Variants in GRIK4 observed in about 807,000 individuals in gnomAD.
The protein encoded by GRIK4 is glutamate ionotropic receptor kainate type subunit 4.
GRIK4 carries 40 observed loss-of-function variants against 104.9 expected under a neutral mutation model. The ratio of observed to expected loss-of-function variants is 0.38; its 90% CI spans 0.30 to 0.50. The LOEUF (loss-of-function observed/expected upper bound fraction) is 0.50. GRIK4 is among the 20% of genes least tolerant of loss of function. The probability of loss-of-function intolerance (pLI) is 0.93; values close to 1 mark genes in which losing one functional copy is unlikely to be tolerated. For missense variants in GRIK4, 1,047 were observed against 1,308.1 expected (o/e 0.80, Z 3.08); for synonymous variants, 485 against 524.9 (o/e 0.92, Z 1.04).
intron 2 of GRIK4, among the ~76,000 whole-genome samples, 186 bp from the exon 3 acceptor site, chr11:120,660,083 C>A (rs1441965541): frequency 6.6e-6 from 1 of 152,212 alleles, no homozygotes; most frequent in African/African-American, 2.4e-5. Context: ...ATCATCCAAC[C>A]ACAGTTACAG....
intron 1 of GRIK4, among the ~76,000 whole-genome samples, chr11:120,521,851 C>T (rs753289752): frequency 2.7e-4 from 41 of 152,314 alleles, no homozygotes; most frequent in Non-Finnish European, 4.7e-4. Flanking sequence ...TTATCTCCCG[C>T]GGGTGGTTAT....
intron 3 of GRIK4, among the ~76,000 whole-genome samples, chr11:120,753,050 G>T (rs1951585033): frequency 6.6e-6 from 1 of 152,214 alleles, no homozygotes; most frequent in South Asian, 2.1e-4. Flanking sequence ...GCTGGATGGG[G>T]ACTCCCGAAT....
intron 3 of GRIK4, among the ~76,000 whole-genome samples, chr11:120,743,835 A>C (rs879606600): frequency 1.3e-5 from 2 of 152,248 alleles, no homozygotes; most frequent in Admixed American, 1.3e-4. Context: ...TTATTTATAA[A>C]ATGGGAGCAA....
chr11:120,531,743 T>G (rs571457696), intron 1 of GRIK4, among the ~76,000 whole-genome samples: 2 of 152,120 alleles, frequency 1.3e-5, no homozygotes, highest in Non-Finnish European at 2.9e-5. Context: ...GCCCAGCTAA[T>G]TTTTGTATTT....
At chr11:120,840,685 A>G (rs1408048537) in intron 8 of GRIK4, among the ~76,000 whole-genome samples, 2 of 152,222 alleles carry the variant, frequency 1.3e-5, no homozygotes, top group African/African-American at 4.8e-5. Flanking sequence ...AAATAAAATT[A>G]CTGTGCAGAG....
intron 13 of GRIK4, among the ~76,000 whole-genome samples, chr11:120,923,759 G>A (rs1189250695): frequency 6.6e-6 from 1 of 152,110 alleles, no homozygotes. Flanking sequence ...AGCGGAAACT[G>A]GTACCATTCA....
At chr11:120,750,389 TAG>T (rs1428167585) in intron 3 of GRIK4, among the ~76,000 whole-genome samples, 1 of 132,630 alleles carries the variant, frequency 7.5e-6, no homozygotes, top group Non-Finnish European at 1.5e-5. Context: ...GCTGGGGATG[TAG>T]AGTCTCGCTC....
At chr11:120,708,733 G>C (rs548545864) in intron 3 of GRIK4, among the ~76,000 whole-genome samples, 1 of 152,310 alleles carries the variant, frequency 6.6e-6, no homozygotes, top group South Asian at 2.1e-4. Context: ...GAGACCTGCT[G>C]TCTTCCTGAT....
intron 8 of GRIK4, among the ~76,000 whole-genome samples, chr11:120,837,324 A>C (rs1223474017): frequency 6.6e-6 from 1 of 152,192 alleles, no homozygotes; most frequent in African/African-American, 2.4e-5. Flanking sequence ...AGCATCTGAC[A>C]GGCCTTTGTT....
intron 3 of GRIK4, among the ~76,000 whole-genome samples, chr11:120,722,612 C>CAA (rs35167995): frequency 9.1e-5 from 13 of 142,170 alleles, no homozygotes; most frequent in Admixed American, 2.1e-4. Context: ...GAGACTCCAT[C>CAA]AAAAAAAAAA....
At chr11:120,904,083 G>C (rs912451404) in intron 12 of GRIK4, among the ~76,000 whole-genome samples, 3 of 152,056 alleles carry the variant, frequency 2.0e-5, no homozygotes, top group East Asian at 3.9e-4. Flanking sequence ...TCTCCCCAGG[G>C]CCTCTTCTTC....
intron 9 of GRIK4, 58 bp from the exon 10 acceptor site, chr11:120,874,006 TCC>T: frequency 7.0e-7 from 1 of 1,438,660 alleles, no homozygotes. Flanking sequence ...CTCCCTCCCC[TCC>T]CTTTCTTCCT....
intron 1 of GRIK4, among the ~76,000 whole-genome samples, chr11:120,519,196 C>T (rs1057491303): frequency 2.6e-4 from 40 of 152,116 alleles, no homozygotes; most frequent in Admixed American, 9.2e-4. Context: ...GTATTCAATG[C>T]TTATTATGTG....
chr11:120,719,262 C>T (rs1228047662), intron 3 of GRIK4, among the ~76,000 whole-genome samples: 1 of 152,160 alleles, frequency 6.6e-6, no homozygotes, highest in Non-Finnish European at 1.5e-5. Context: ...TAGGCTGTAG[C>T]AACTTCTACA....
chr11:120,548,132 C>A (rs1948104632), intron 1 of GRIK4, among the ~76,000 whole-genome samples: 1 of 152,148 alleles, frequency 6.6e-6, no homozygotes, highest in East Asian at 1.9e-4. Flanking sequence ...CAATTGCAGG[C>A]CTGCTGGACT....
In GRIK4 at chr11:120,793,722, G is replaced by T. The variant is rs186511259; in HGVS notation, c.83-8971G>T. ...AGGCAGTGGTTACAGGTGAAGGGTG[G>T]TGTTAGGGGCTGAGAGCAGGTAGAT... is the stretch of plus-strand genomic sequence containing the variant. On this transcript the variant is annotated intron_variant, in intron 3 of 20. Coordinates refer to ENST00000527524, the MANE Select transcript of GRIK4 (RefSeq NM_014619.5). 1.2e-4 allele frequency among the ~76,000 whole-genome samples: 18 copies of T among 152,098 alleles called. No homozygotes were observed. The East Asian group carries it at 3.3e-3, about 28-fold the overall frequency.
chr11:120,750,661 C>A (rs879499405), intron 3 of GRIK4, among the ~76,000 whole-genome samples: 1 of 152,100 alleles, frequency 6.6e-6, no homozygotes, highest in Non-Finnish European at 1.5e-5. Flanking sequence ...GAGCTGCCAC[C>A]CCCGGCCTGG....
chr11:120,874,105 G>T lies in GRIK4; in HGVS notation c.946G>T (p.Val316Leu), dbSNP rs906639969. Residue 316 changes from valine (V) to leucine (L), a missense_variant, in exon 10 of 21, where the codon GTG becomes TTG. Physicochemically the swap from Val to Leu is conservative, Grantham distance 32. Around this residue, in one of 3 missense-constraint regions of GRIK4, gnomAD observed 447 missense variants for 514.9 expected, o/e 0.87. Transcript: ENST00000527524. ...ALLFDAVYAV[V>L]TAVQELNRSQ... is the part of the protein sequence containing the mutation. ...GCTGTTTGATGCTGTCTATGCTGTG[G>T]TGACTGCGGTGCAGGAACTGAACCG... The T allele has an allele frequency of 6.2e-6, 10 of 1,613,702 alleles. No homozygotes were observed. The highest frequency in any genetic ancestry group is 8.5e-6 in the Non-Finnish European group (10 of 1,179,794).
At position 120,873,819 on chromosome 11, in the gene GRIK4, G is replaced by A. The variant is rs1954680672; in HGVS notation, c.907-247G>A. The A allele has an allele frequency of 9.3e-6, 4 of 430,356 alleles. No homozygotes were observed. The East Asian group carries it at 1.5e-4, about 16-fold the overall frequency. The allele number at this position is 430,356 out of a possible 1,614,324, so 26.7% of individuals were successfully genotyped here. ...AAGTCATGTGGGGCCCAAAGGGCCA[G>A]CACAAGGCTTCAATCCCAGAGAATC... On this transcript the variant is annotated intron_variant, in intron 9 of 20. Coordinates refer to ENST00000527524, the MANE Select transcript of GRIK4 (RefSeq NM_014619.5).
Sources: gnomAD v4.1 joint callset for allele counts (sites outside exome capture counted in the v4.1 genomes callset) on GRCh38, gnomAD v4.1.1 for gene constraint, gnomAD v4.1.1 regional missense constraint, MANE v1.5 for transcripts, NCBI Gene and HGNC (gene_info 2026-07-23, HGNC 2026-07-21) for gene names.